The following CAPZB variants were observed in gnomAD, a reference collection of about 807,000 sequenced individuals.
CAPZB encodes the protein capping actin protein of muscle Z-line subunit beta, also known as F-actin-capping protein subunit beta.
Under a neutral mutation model 38.1 loss-of-function variants are expected in CAPZB, and 2 were observed. The observed-to-expected ratio is 0.05, with a 90% confidence interval of 0.02 to 0.17. The LOEUF is 0.17. Ranked by LOEUF, CAPZB falls within the 10% of genes least tolerant of loss-of-function variation. CAPZB has a pLI of 1.00. For missense variants in CAPZB, 161 were observed against 334.2 expected (o/e 0.48, Z 4.04); for synonymous variants, 107 against 127.4 (o/e 0.84, Z 1.08).
chr1:19,437,118 G>A (rs1485286856), intron 1 of CAPZB, among the ~76,000 whole-genome samples: 1 of 152,232 alleles, frequency 6.6e-6, no homozygotes, highest in Non-Finnish European at 1.5e-5. Flanking sequence ...TCTCAGAAAG[G>A]TGTTTTCCTG....
intron 1 of CAPZB, among the ~76,000 whole-genome samples, chr1:19,453,040 G>A (rs2094521854): frequency 6.6e-6 from 1 of 151,794 alleles, no homozygotes; most frequent in Non-Finnish European, 1.5e-5. Context: ...CCTGACCTCA[G>A]GTGATCCACC....
intron 2 of CAPZB, among the ~76,000 whole-genome samples, chr1:19,402,483 A>T (rs188402350): frequency 6.6e-6 from 1 of 152,314 alleles, no homozygotes; most frequent in East Asian, 1.9e-4. Flanking sequence ...GCAAAACCAG[A>T]GTGTGCGCCC....
intron 1 of CAPZB, among the ~76,000 whole-genome samples, chr1:19,471,668 T>C (rs932943650): frequency 2.0e-5 from 3 of 151,958 alleles, no homozygotes; most frequent in African/African-American, 7.3e-5. Flanking sequence ...ATCAAGACCA[T>C]CCTGGCTAAC....
At chr1:19,385,889 T>C (rs1406691440) in intron 2 of CAPZB, 1 of 563,226 alleles carries the variant, frequency 1.8e-6, no homozygotes, top group Non-Finnish European at 3.4e-6. Flanking sequence ...GCAGCTTTAA[T>C]TACCTGGTCA....
intron 3 of CAPZB, among the ~76,000 whole-genome samples, chr1:19,382,456 C>T (rs1369226932): frequency 2.0e-5 from 3 of 152,098 alleles, no homozygotes; most frequent in South Asian, 2.1e-4. Context: ...CTGCTGGCAA[C>T]GGTCACACCA....
At chr1:19,467,738 C>G (rs537822299) in intron 1 of CAPZB, among the ~76,000 whole-genome samples, 1 of 152,190 alleles carries the variant, frequency 6.6e-6, no homozygotes, top group African/African-American at 2.4e-5. Flanking sequence ...GGCCAGAGGG[C>G]CCCCGAAAGC....
rs1558180972 is a variant in CAPZB, at chr1:19,356,068, C to T, written c.588+567G>A. Among the ~76,000 whole-genome samples, 1 of 152,054 alleles carries T rather than the reference C, an allele frequency of 6.6e-6. No individual in the cohort carries two copies. The highest frequency in any genetic ancestry group is 1.5e-5 in the Non-Finnish European group (1 of 68,028). On this transcript the variant is annotated intron_variant, in intron 6 of 8. Transcript: ENST00000264202. The surrounding 1 kb of genome is among the most constrained non-coding windows in gnomAD (Gnocchi z 4.3). ...AAAAGATGGATAAGAGAGAGGTATC[C>T]AGTAGGGCACTTCTGAAATTTCAAT...
chr1:19,469,587 C>T lies in CAPZB; in HGVS notation c.3+15849G>A, dbSNP rs574152144. Among the ~76,000 whole-genome samples the T allele has an allele frequency of 5.9e-5, 9 of 152,076 alleles. No homozygotes were observed. The South Asian group carries it at 1.9e-3, about 32-fold the overall frequency. ...AGGGAGGATGAGTCAGCTCAGAGGG[C>T]TCTGGGGACAGGCAGTGAGGCGGCG... On this transcript the variant is annotated intron_variant, in intron 1 of 8. Transcript: ENST00000264202.
intron 8 of CAPZB, among the ~76,000 whole-genome samples, chr1:19,341,251 C>A (rs759036088): frequency 1.2e-4 from 18 of 152,228 alleles, no homozygotes; most frequent in Non-Finnish European, 2.4e-4. Context: ...TCAGCCCCCA[C>A]GGCCCCCAGG....
At chr1:19,455,278 C>T (rs903191292) in intron 1 of CAPZB, among the ~76,000 whole-genome samples, 1 of 152,234 alleles carries the variant, frequency 6.6e-6, no homozygotes, top group African/African-American at 2.4e-5. Context: ...GTTAACAAAA[C>T]GATTCCACAT....
At chr1:19,458,829 T>C (rs767209267) in intron 1 of CAPZB, among the ~76,000 whole-genome samples, 4 of 152,230 alleles carry the variant, frequency 2.6e-5, no homozygotes, top group African/African-American at 4.8e-5. Context: ...CCTTCTAAGG[T>C]GTGAAGCAAC....
intron 6 of CAPZB, among the ~76,000 whole-genome samples, chr1:19,349,600 A>C (rs1185822979): frequency 2.0e-5 from 3 of 152,176 alleles, no homozygotes; most frequent in African/African-American, 7.2e-5. Flanking sequence ...GAGCCATCTT[A>C]AAACAAACAG....
intron 2 of CAPZB, among the ~76,000 whole-genome samples, chr1:19,418,136 C>CAAAAAAAAAAA (rs59390448): frequency 5.7e-5 from 2 of 35,328 alleles, no homozygotes; most frequent in African/African-American, 2.1e-4. Context: ...ACTCTGTCAC[C>CAAAAAAAAAAA]AAAAAAAAAA....
chr1:19,363,195 C>T (rs946592567), intron 4 of CAPZB, among the ~76,000 whole-genome samples: 1 of 151,670 alleles, frequency 6.6e-6, no homozygotes, highest in African/African-American at 2.4e-5. Flanking sequence ...GATCCTCCTT[C>T]CCCAGCCTCC....
intron 1 of CAPZB, chr1:19,484,756 G>T: frequency 9.7e-7 from 1 of 1,029,914 alleles, no homozygotes; most frequent in African/African-American, 1.7e-5. Flanking sequence ...GGTTACGCTA[G>T]GAGTGGCGAA....
intron 1 of CAPZB, among the ~76,000 whole-genome samples, chr1:19,479,537 C>T (rs11580551): frequency 0.33 from 49,533 of 152,164 alleles, 8,552 homozygotes; most frequent in Middle Eastern, 0.49. Context: ...AGCTCTGGGG[C>T]AGACCCCCTC....
chr1:19,453,332 GC>G (rs1233084268), intron 1 of CAPZB, among the ~76,000 whole-genome samples: 2 of 152,044 alleles, frequency 1.3e-5, no homozygotes, highest in Non-Finnish European at 2.9e-5. Context: ...CACAATCTCG[GC>G]TCACTGCAGC....
intron 1 of CAPZB, among the ~76,000 whole-genome samples, chr1:19,427,972 G>C (rs4912092): frequency 0.8 from 122,448 of 152,198 alleles, 49,443 homozygotes; most frequent in African/African-American, 0.86. Flanking sequence ...TCTGACCATA[G>C]AGACAAACAC....
chr1:19,362,070 G>C (rs2094055930), intron 4 of CAPZB, among the ~76,000 whole-genome samples: 1 of 152,162 alleles, frequency 6.6e-6, no homozygotes, highest in Non-Finnish European at 1.5e-5. Context: ...AACTCTGCAG[G>C]GAGGGAGGAA....
Sources: gnomAD v4.1 joint callset for allele counts (sites outside exome capture counted in the v4.1 genomes callset) on GRCh38, gnomAD v4.1.1 for gene constraint, Gnocchi (gnomAD v3.1) non-coding constraint, MANE v1.5 for transcripts, NCBI Gene and HGNC (gene_info 2026-07-23, HGNC 2026-07-21) for gene names.